CDKN2B-AS1: variants seen among roughly 807,000 people sequenced by gnomAD.
CDKN2B-AS1 encodes the protein CDKN2B and CDKN2A antisense cis and trans regulatory RNA 1, also known as CDKN2B antisense RNA 1 (non-protein coding).
At chr9:22,105,161 A>T (rs1825615347) in intron 4 of CDKN2B-AS1, among the ~76,000 whole-genome samples, 1 of 152,212 alleles carries the variant, frequency 6.6e-6, no homozygotes, top group Non-Finnish European at 1.5e-5. Flanking sequence ...GGGTATGTGT[A>T]TACTGGCTGG....
chr9:22,039,701 G>A lies in CDKN2B-AS1; in HGVS notation n.30-7050G>A, dbSNP rs900644493. ...AGCAATTAGCTATGGCACACTGCACGGTTTTTCTGACCTCTCAGCTCCTAA... is the reference window on the plus strand; with the variant it reads ...AGCAATTAGCTATGGCACACTGCACAGTTTTTCTGACCTCTCAGCTCCTAA... On this transcript the variant is annotated intron_variant and non_coding_transcript_variant, in intron 1 of 4. Coordinates refer to ENST00000650946, the Ensembl canonical transcript of CDKN2B-AS1. The surrounding 1 kb of genome is among the most constrained non-coding windows in gnomAD (Gnocchi z 4.4). 2.0e-5 allele frequency among the ~76,000 whole-genome samples: 3 copies of A among 151,894 alleles called. No individual in the cohort carries two copies. The highest frequency in any genetic ancestry group is 2.1e-4 in the South Asian group (1 of 4,814).
intron 1 of CDKN2B-AS1, among the ~76,000 whole-genome samples, chr9:22,044,787 G>A (rs73652847): frequency 0.039 from 5,846 of 151,620 alleles, 295 homozygotes; most frequent in African/African-American, 0.12. Context: ...GTCAGTAAGA[G>A]AGGAAATGTT....
chr9:22,108,455 G>C (rs763576340), intron 4 of CDKN2B-AS1, among the ~76,000 whole-genome samples: 1 of 152,094 alleles, frequency 6.6e-6, no homozygotes, highest in South Asian at 2.1e-4. Flanking sequence ...AAATGGTTAC[G>C]ACTCTGCCTT....
intron 1 of CDKN2B-AS1, among the ~76,000 whole-genome samples, chr9:22,015,476 T>C (rs1204790405): frequency 1.3e-5 from 2 of 152,152 alleles, no homozygotes; most frequent in South Asian, 4.1e-4. Flanking sequence ...CTTTTTAATA[T>C]AAATTTAAAA....
chr9:22,048,194 A>G (rs1823188815), intron 2 of CDKN2B-AS1, among the ~76,000 whole-genome samples: 1 of 152,150 alleles, frequency 6.6e-6, no homozygotes, highest in African/African-American at 2.4e-5. Flanking sequence ...GTCATCCTGT[A>G]AATGTCTTTC....
chr9:22,052,523 G>C (rs1823391370), intron 3 of CDKN2B-AS1, among the ~76,000 whole-genome samples: 1 of 152,148 alleles, frequency 6.6e-6, no homozygotes, highest in African/African-American at 2.4e-5. Flanking sequence ...GGCTGGATAA[G>C]GGCGAATCTT....
chr9:22,064,993 A>C (rs1170911867), intron 4 of CDKN2B-AS1, among the ~76,000 whole-genome samples: 1 of 152,122 alleles, frequency 6.6e-6, no homozygotes, highest in African/African-American at 2.4e-5. Flanking sequence ...CACACCTTTG[A>C]TGTATTTCTC....
At chr9:22,100,909 G>C in intron 4 of CDKN2B-AS1, among the ~76,000 whole-genome samples, 1 of 152,024 alleles carries the variant, frequency 6.6e-6, no homozygotes, top group Admixed American at 6.6e-5. Context: ...CAATGATTTC[G>C]GACATCTTTC....
At chr9:22,059,588 G>A (rs563463274) in intron 4 of CDKN2B-AS1, among the ~76,000 whole-genome samples, 1 of 152,234 alleles carries the variant, frequency 6.6e-6, no homozygotes, top group African/African-American at 2.4e-5. Flanking sequence ...GTAAGCTATT[G>A]GTAGATCTAC....
chr9:22,063,297 G>T (rs1823900793), intron 4 of CDKN2B-AS1, among the ~76,000 whole-genome samples: 1 of 152,104 alleles, frequency 6.6e-6, no homozygotes, highest in Non-Finnish European at 1.5e-5. Context: ...GTTCAGTTTT[G>T]TGACACCACA....
chr9:22,027,811 A>G (rs964296898), intron 1 of CDKN2B-AS1, among the ~76,000 whole-genome samples: 3 of 152,224 alleles, frequency 2.0e-5, no homozygotes, highest in Admixed American at 2.0e-4. Flanking sequence ...GAAATGTGAA[A>G]TAATATTGAT....
At chr9:22,126,621 C>A (rs113283220) in intron 4 of CDKN2B-AS1, among the ~76,000 whole-genome samples, 1,528 of 145,132 alleles carry the variant, frequency 0.011, 35 homozygotes, top group African/African-American at 0.037. Context: ...TCGCCCAGGC[C>A]GACTGCAGTG....
chr9:22,047,704 C>A (rs1211499825), intron 2 of CDKN2B-AS1, among the ~76,000 whole-genome samples: 2 of 152,084 alleles, frequency 1.3e-5, no homozygotes, highest in Middle Eastern at 3.2e-3. Flanking sequence ...CCAAATAACT[C>A]TTTTCTAAAT....
intron 4 of CDKN2B-AS1, among the ~76,000 whole-genome samples, chr9:22,092,927 T>A (rs920564574): frequency 1.3e-5 from 2 of 152,204 alleles, no homozygotes; most frequent in African/African-American, 4.8e-5. Flanking sequence ...GGGTGTCAAT[T>A]TTAGATCTTT....
intron 4 of CDKN2B-AS1, among the ~76,000 whole-genome samples, chr9:22,072,456 A>G (rs139568748): frequency 1.7e-3 from 252 of 152,338 alleles, no homozygotes; most frequent in African/African-American, 5.8e-3. Flanking sequence ...TATGCAGTTT[A>G]CTAGAGCCAG....
intron 4 of CDKN2B-AS1, among the ~76,000 whole-genome samples, chr9:22,113,121 T>C (rs1350323084): frequency 6.6e-6 from 1 of 152,192 alleles, no homozygotes; most frequent in Non-Finnish European, 1.5e-5. Context: ...GTGTCAGACC[T>C]CCAGGCACTG....
intron 4 of CDKN2B-AS1, among the ~76,000 whole-genome samples, chr9:22,089,892 A>G (rs920155691): frequency 1.3e-5 from 2 of 152,082 alleles, no homozygotes; most frequent in East Asian, 1.9e-4. Flanking sequence ...TTTGTTACCT[A>G]TGTATACATG....
chr9:22,123,130 G>T (rs1175225837), intron 4 of CDKN2B-AS1, among the ~76,000 whole-genome samples: 1 of 152,006 alleles, frequency 6.6e-6, no homozygotes, highest in African/African-American at 2.4e-5. Context: ...AAATGGGATT[G>T]CCTTCTTGAT....
chr9:22,016,726 G>T (rs942561274), intron 1 of CDKN2B-AS1, among the ~76,000 whole-genome samples: 1 of 152,116 alleles, frequency 6.6e-6, no homozygotes, highest in Admixed American at 6.5e-5. Context: ...AAATGGTGCT[G>T]GGAAAACTGG....
Sources: gnomAD v4.1 joint callset for allele counts (sites outside exome capture counted in the v4.1 genomes callset) on GRCh38, gnomAD v4.1.1 for gene constraint, Gnocchi (gnomAD v3.1) non-coding constraint, MANE v1.5 for transcripts, NCBI Gene and HGNC (gene_info 2026-07-23, HGNC 2026-07-21) for gene names.